Variants in LIPJ observed in about 807,000 individuals in gnomAD.
LIPJ encodes the protein lipase member J.
Under a neutral mutation model 39.8 loss-of-function variants are expected in LIPJ, and 33 were observed. The observed-to-expected ratio is 0.83, with a 90% CI of 0.63 to 1.11. The LOEUF is 1.11. Among genes scored for constraint, LIPJ ranks in the 50% least tolerant of loss-of-function variants. LIPJ has a pLI of 0.00. For missense variants in LIPJ, 422 were observed against 427.9 expected (o/e 0.99, Z 0.12); for synonymous variants, 128 against 139.2 (o/e 0.92, Z 0.57).
exon 5 of LIPJ, chr10:88,594,014 C>T: frequency 6.2e-7 from 1 of 1,612,318 alleles, no homozygotes; most frequent in Non-Finnish European, 8.5e-7. Flanking sequence ...TTCCAATCTT[C>T]CCAACAATAG....
chr10:88,599,755 G>C (rs774001973), intron 8 of LIPJ, among the ~76,000 whole-genome samples: 24 of 149,500 alleles, frequency 1.6e-4, no homozygotes, highest in Non-Finnish European at 3.0e-4. Context: ...CAATTTTTAT[G>C]GTTTTTTTTG....
intron 7 of LIPJ, 61 bp from the exon 8 acceptor site, chr10:88,596,726 CACA>C (rs1006397187): frequency 1.5e-6 from 2 of 1,349,462 alleles, no homozygotes; most frequent in African/African-American, 1.5e-5. Context: ...AGTGAATTAC[CACA>C]ACATTTCTTT....
the LIPJ span, among the ~76,000 whole-genome samples, chr10:88,615,228 A>G: frequency 1.3e-5 from 2 of 152,334 alleles, no homozygotes; most frequent in East Asian, 3.9e-4. Flanking sequence ...CTACAAATTG[A>G]TTTTAAAAAT....
chr10:88,615,828 C>A, the LIPJ span, among the ~76,000 whole-genome samples: 1 of 152,066 alleles, frequency 6.6e-6, no homozygotes, highest in East Asian at 1.9e-4. Context: ...TACTATGTGA[C>A]TTAGCAATTA....
rs879169542 is a variant in LIPJ at position 88,593,963 on chromosome 10, T to C, written c.148T>C (p.Tyr50His). The C allele has an allele frequency of 5.0e-6, 8 of 1,611,896 alleles. No individual in the cohort carries two copies. The South Asian group carries it at 8.8e-5, about 18-fold the overall frequency. ...TTTCTCAGCTCAGAGGGTTGTTGTA[T>C]ACTTGCAACATGGTTTGCTTACATC... is the stretch of plus-strand genomic sequence containing the variant. The change falls in exon 5 of 11, where the codon TAC becomes CAC. Residue 50 changes from tyrosine to histidine, a missense_variant. Tyr to His is a moderately conservative substitution (Grantham distance 83). Transcript: ENST00000371939.
intron 8 of LIPJ, among the ~76,000 whole-genome samples, chr10:88,598,210 A>G (rs1476355311): frequency 6.6e-6 from 1 of 152,018 alleles, no homozygotes; most frequent in Non-Finnish European, 1.5e-5. Flanking sequence ...TGGAGGAAGT[A>G]GGGTCTGGCT....
chr10:88,595,302 A>G (rs969941207), intron 6 of LIPJ, among the ~76,000 whole-genome samples: 19 of 151,900 alleles, frequency 1.3e-4, no homozygotes, highest in Admixed American at 2.0e-4. Context: ...ACTTTCGGAA[A>G]TAAATGACCT....
At chr10:88,582,948 C>T (rs1167852704), upstream of LIPJ, 3 of 1,156,546 alleles carry the variant, frequency 2.6e-6, no homozygotes, top group Non-Finnish European at 2.4e-6. Flanking sequence ...CCGCGCTACA[C>T]GGCCGCTCAG....
At chr10:88,610,430 C>T (rs1005409681), downstream of LIPJ, among the ~76,000 whole-genome samples, 10 of 151,942 alleles carry the variant, frequency 6.6e-5, no homozygotes, top group South Asian at 6.2e-4. Flanking sequence ...CAGATAAATA[C>T]GTTCACATTG....
chr10:88,605,378 T>C (rs1186620150), intron 9 of LIPJ, among the ~76,000 whole-genome samples: 2 of 152,168 alleles, frequency 1.3e-5, no homozygotes, highest in African/African-American at 4.8e-5. Context: ...GGCCCCCCTC[T>C]GGGTAGAAAA....
chr10:88,590,825 A>G, intron 3 of LIPJ, 129 bp downstream of exon 3: 1 of 640,444 alleles, frequency 1.6e-6, no homozygotes, highest in Non-Finnish European at 2.7e-6. Flanking sequence ...CTCATCTGCT[A>G]TTCTATAGCT....
At chr10:88,594,918 G>C in intron 6 of LIPJ, 142 bp downstream of exon 6, 1 of 378,286 alleles carries the variant, frequency 2.6e-6, no homozygotes. Flanking sequence ...AGAATGCCCT[G>C]GAATCTTACA....
chr10:88,601,595 G>C (rs1851480727), intron 8 of LIPJ, among the ~76,000 whole-genome samples: 1 of 152,168 alleles, frequency 6.6e-6, no homozygotes, highest in Admixed American at 6.5e-5. Context: ...TCCGCAGGAT[G>C]AAAGTTGGGA....
chr10:88,610,168 A>G (rs946946693), downstream of LIPJ, among the ~76,000 whole-genome samples: 2 of 152,190 alleles, frequency 1.3e-5, no homozygotes, highest in African/African-American at 4.8e-5. Flanking sequence ...CCAGCTTTGA[A>G]TCATAATGAT....
upstream of LIPJ, chr10:88,585,629 G>GTTTTT (rs1051871893): frequency 2.0e-5 from 3 of 147,486 alleles, no homozygotes; most frequent in South Asian, 2.2e-4. Context: ...AAGCCATTAG[G>GTTTTT]TTTTTTTTTT....
the LIPJ span, among the ~76,000 whole-genome samples, chr10:88,614,055 T>A: frequency 6.6e-6 from 1 of 151,328 alleles, no homozygotes; most frequent in East Asian, 1.9e-4. Context: ...AAAGGCAACA[T>A]GTGACTCTTA....
At chr10:88,603,888 C>A (rs370256292) in intron 9 of LIPJ, among the ~76,000 whole-genome samples, 1 of 151,964 alleles carries the variant, frequency 6.6e-6, no homozygotes, top group African/African-American at 2.4e-5. Context: ...TCTGGTGATG[C>A]GTAGACTAGA....
At chr10:88,584,184 G>GA (rs1850824784), upstream of LIPJ, 1 of 151,800 alleles carries the variant, frequency 6.6e-6, no homozygotes. Flanking sequence ...TCCACATCAT[G>GA]AAAAAAATTA....
At chr10:88,593,673 A>C (rs1851155524) in intron 4 of LIPJ, 1 of 265,086 alleles carries the variant, frequency 3.8e-6, no homozygotes, top group Non-Finnish European at 7.1e-6. Context: ...AATTACTATA[A>C]AATTTTTTAT....
Sources: gnomAD v4.1 joint callset for allele counts (sites outside exome capture counted in the v4.1 genomes callset) on GRCh38, gnomAD v4.1.1 for gene constraint, MANE v1.5 for transcripts, NCBI Gene and HGNC (gene_info 2026-07-23, HGNC 2026-07-21) for gene names.